The following CFTR variants were observed in gnomAD, a reference collection of about 807,000 sequenced individuals.
The protein encoded by CFTR is cystic fibrosis transmembrane conductance regulator.
A neutral mutation model predicts 171.6 loss-of-function variants in CFTR; 181 were observed. The ratio of observed to expected loss-of-function variants is 1.05; its 90% CI spans 0.93 to 1.19. CFTR has a LOEUF of 1.19. Ranked by LOEUF, CFTR falls within the 50% of genes most tolerant of loss-of-function variation. The probability of loss-of-function intolerance (pLI) is 0.00; values close to 1 mark genes in which losing one functional copy is unlikely to be tolerated. For synonymous variants in CFTR, 583 were observed against 608.0 expected (o/e 0.96, Z 0.60); for missense variants, 1,968 against 1,734.7 (o/e 1.13, Z -2.39).
At chr7:117,509,690 G>A (rs1300050588) in intron 3 of CFTR, among the ~76,000 whole-genome samples, 1 of 152,126 alleles carries the variant, frequency 6.6e-6, no homozygotes, top group Non-Finnish European at 1.5e-5. Flanking sequence ...CATCTCATCA[G>A]TGTGAAAAGT....
intron 11 of CFTR, among the ~76,000 whole-genome samples, chr7:117,576,315 C>T (rs1483442445): frequency 1.3e-5 from 2 of 152,114 alleles, no homozygotes; most frequent in South Asian, 2.1e-4. Flanking sequence ...CATGTACATA[C>T]ATTTTGCTTG....
chr7:117,611,540 T>A, intron 19 of CFTR, 41 bp from the exon 20 acceptor site: 1 of 1,121,944 alleles, frequency 8.9e-7, no homozygotes, highest in South Asian at 1.3e-5. Context: ...ACATTTTGTG[T>A]TTATGTTATT....
intron 1 of CFTR, among the ~76,000 whole-genome samples, chr7:117,494,620 A>G (rs752173556): frequency 3.9e-5 from 6 of 152,162 alleles, no homozygotes; most frequent in Non-Finnish European, 7.4e-5. Context: ...AGAGAAACCT[A>G]GTAGAGAGTA....
chr7:117,525,166 A>G (rs1039291478), intron 3 of CFTR, among the ~76,000 whole-genome samples: 61 of 152,310 alleles, frequency 4.0e-4, no homozygotes, highest in Non-Finnish European at 4.0e-4. Context: ...AAATGTGGCT[A>G]TGTGAGATGA....
rs144489828 is a variant in CFTR at position 117,546,921 on chromosome 7, GA to G, written c.1210-1719del. Among the ~76,000 whole-genome samples the G allele has an allele frequency of 1.4e-3, 216 of 152,296 alleles. 5 individuals are homozygous for G. In the East Asian group the frequency reaches 0.039, roughly 27 times the overall value. ...GTATGTCATTTATTTGGTCAAGGGT[GA>G]GTTGGTTGTTCTCTTGAATGTACTG... On this transcript the variant is annotated intron_variant, in intron 9 of 26. Transcript: ENST00000003084.
intron 1 of CFTR, among the ~76,000 whole-genome samples, chr7:117,480,517 G>A (rs1797985028): frequency 6.6e-6 from 1 of 152,138 alleles, no homozygotes; most frequent in South Asian, 2.1e-4. Context: ...ACACTTGATT[G>A]TCTTCTTGGC....
intron 11 of CFTR, among the ~76,000 whole-genome samples, chr7:117,569,198 A>G (rs1433189277): frequency 6.6e-6 from 1 of 152,176 alleles, no homozygotes; most frequent in Non-Finnish European, 1.5e-5. Context: ...TTTCCAAGGA[A>G]TTTCAATACT....
intron 26 of CFTR, 75 bp from the exon 27 acceptor site, chr7:117,666,833 C>T: frequency 8.0e-7 from 1 of 1,254,992 alleles, no homozygotes; most frequent in South Asian, 1.2e-5. Context: ...TTCCTTTGAG[C>T]CTGTGCCAGT....
chr7:117,664,555 G>A, intron 24 of CFTR, 133 bp from the exon 25 acceptor site: 1 of 783,840 alleles, frequency 1.3e-6, no homozygotes, highest in Non-Finnish European at 2.2e-6. Flanking sequence ...AATTCAAATG[G>A]TGGCAGGTAG....
At chr7:117,539,557 C>A (rs1460009659) in intron 7 of CFTR, among the ~76,000 whole-genome samples, 1 of 151,838 alleles carries the variant, frequency 6.6e-6, no homozygotes, top group Non-Finnish European at 1.5e-5. Flanking sequence ...GGCTTAAGAA[C>A]CACTTCTCTG....
intron 1 of CFTR, among the ~76,000 whole-genome samples, chr7:117,491,339 TC>T (rs1395120829): frequency 6.6e-6 from 1 of 152,090 alleles, no homozygotes; most frequent in Admixed American, 6.6e-5. Context: ...TGTTTGTTTG[TC>T]CCCTTGTGTG....
intron 20 of CFTR, among the ~76,000 whole-genome samples, chr7:117,612,037 A>AC (rs1792409283): frequency 1.4e-5 from 1 of 73,382 alleles, no homozygotes; most frequent in African/African-American, 6.1e-5. Flanking sequence ...ATATATATAT[A>AC]TATATATATA....
intron 2 of CFTR, among the ~76,000 whole-genome samples, chr7:117,507,076 A>G (rs1584775516): frequency 1.3e-5 from 2 of 152,304 alleles, no homozygotes; most frequent in East Asian, 3.9e-4. Flanking sequence ...TGCAAACCAC[A>G]CATCCGTTCC....
Position 117,531,064 on chromosome 7 carries a change from C to A in CFTR, c.439C>A (p.His147Asn), listed in dbSNP as rs1186899541. The change falls in exon 4 of 27, where the codon CAC becomes AAC. Residue 147 changes from histidine (H) to asparagine (N), a missense_variant. Coordinates refer to ENST00000003084, the MANE Select transcript of CFTR (RefSeq NM_000492.4). ...ACACCCAGCCATTTTTGGCCTTCATCACATTGGAATGCAGATGAGAATAGC... is the reference window on the plus strand; with the variant it reads ...ACACCCAGCCATTTTTGGCCTTCATAACATTGGAATGCAGATGAGAATAGC... ...LLHPAIFGLHHIGMQMRIAMF... is the reference protein window; with the variant it reads ...LLHPAIFGLHNIGMQMRIAMF... 1 of 1,613,722 alleles carries A rather than the reference C, an allele frequency of 6.2e-7. No individual in the cohort carries two copies.
intron 10 of CFTR, among the ~76,000 whole-genome samples, chr7:117,556,744 C>A (rs1351379975): frequency 6.6e-6 from 1 of 150,524 alleles, no homozygotes; most frequent in Admixed American, 6.6e-5. Context: ...TGGTCTCGAT[C>A]TCCTGACCTC....
chr7:117,572,978 A>G (rs953309874), intron 11 of CFTR, among the ~76,000 whole-genome samples: 1 of 152,078 alleles, frequency 6.6e-6, no homozygotes, highest in African/African-American at 2.4e-5. Context: ...GGAAGCTCAA[A>G]TGTACTCAGT....
chr7:117,584,740 A>G (rs932478503), intron 11 of CFTR, among the ~76,000 whole-genome samples: 1 of 151,918 alleles, frequency 6.6e-6, no homozygotes, highest in South Asian at 2.1e-4. Flanking sequence ...ATTGTATTGA[A>G]TTTGTAGATT....
chr7:117,504,239 T>G lies in CFTR; in HGVS notation c.54-14T>G, dbSNP rs1474828059. 1 of 1,477,868 alleles carries G rather than the reference T, an allele frequency of 6.8e-7. No homozygotes were observed. Among genetic ancestry groups the G allele is most frequent in the South Asian group, 1.1e-5 (1 of 88,416 alleles). 91.5% of individuals were successfully genotyped at this position (1,477,868 alleles called of 1,614,324 possible). A position where few individuals can be genotyped will look rare whatever the true frequency, so the allele number is the denominator to read the frequency against. On this transcript the variant is annotated splice_polypyrimidine_tract_variant and intron_variant, in intron 1 of 26. Coordinates refer to ENST00000003084, the MANE Select transcript of CFTR (RefSeq NM_000492.4). ...AAATCAAGTGAATATCTGTTCCTCC[T>G]CTCTTTATTTTAGCTGGACCAGACC...
At chr7:117,605,530 T>C (rs1002517805) in intron 17 of CFTR, among the ~76,000 whole-genome samples, 2 of 152,106 alleles carry the variant, frequency 1.3e-5, no homozygotes, top group Non-Finnish European at 2.9e-5. Context: ...CATATAGTCA[T>C]TATAACAGAG....
Sources: allele counts gnomAD v4.1 joint callset (sites outside exome capture counted in the v4.1 genomes callset), GRCh38; gene constraint gnomAD v4.1.1; transcripts MANE v1.5; gene names NCBI Gene and HGNC (gene_info 2026-07-23, HGNC 2026-07-21).